SGK3: variants seen among roughly 807,000 people sequenced by gnomAD.
SGK3 encodes the protein serine/threonine-protein kinase Sgk3.
SGK3 carries 47 observed loss-of-function variants against 68.5 expected under a neutral mutation model. That is an observed-to-expected ratio of 0.69 (90% CI 0.54 to 0.87). The LOEUF (loss-of-function observed/expected upper bound fraction) is 0.87. Among genes scored for constraint, SGK3 ranks in the 40% least tolerant of loss-of-function variants. The probability of loss-of-function intolerance (pLI) is 0.00; values close to 1 mark genes in which losing one functional copy is unlikely to be tolerated. For synonymous variants in SGK3, 181 were observed against 189.1 expected (o/e 0.96, Z 0.35); for missense variants, 479 against 575.5 (o/e 0.83, Z 1.72).
intron 1 of SGK3, among the ~76,000 whole-genome samples, chr8:66,717,624 C>G (rs903331801): frequency 6.6e-6 from 1 of 152,134 alleles, no homozygotes; most frequent in Non-Finnish European, 1.5e-5. Context: ...CTGAATGAAA[C>G]GTATTCAAGG....
At chr8:66,808,304 T>G (rs1486163396) in intron 4 of SGK3, among the ~76,000 whole-genome samples, 2 of 152,190 alleles carry the variant, frequency 1.3e-5, no homozygotes. Context: ...TAAGTAACTT[T>G]AAAACATGGG....
In SGK3 at chr8:66,767,280, CTG is replaced by C. The variant is rs1370269688; in HGVS notation, c.-121-26334_-121-26333del. On this transcript the variant is annotated intron_variant, in intron 1 of 16. Transcript: ENST00000521198. ...TTTGTTCCCTTATTAGTTATAACTC[CTG>C]TTTTTCCTTTTAATGGTTATTTTAT... The C allele has an allele frequency of 2.2e-5, 14 of 648,670 alleles. No homozygotes were observed. The African/African-American group carries it at 2.4e-4, about 11-fold the overall frequency. The allele number at this position is 648,670 out of a possible 1,614,324, so 40.2% of individuals were successfully genotyped here.
intron 6 of SGK3, among the ~76,000 whole-genome samples, chr8:66,827,852 G>A (rs141088675): frequency 2.9e-4 from 44 of 152,252 alleles, no homozygotes; most frequent in African/African-American, 9.4e-4. Flanking sequence ...GGCTGAGCAC[G>A]GTGGCTCACA....
At position 66,727,386 on chromosome 8, in the gene SGK3, C is replaced by CATG. The variant is rs112841177; in HGVS notation, c.-122+14555_-122+14557dup. Among the ~76,000 whole-genome samples the CATG allele has an allele frequency of 5.8e-3, 882 of 152,248 alleles. 5 individuals carry two copies. The highest frequency in any genetic ancestry group is 0.019 in the African/African-American group (808 of 41,554). On this transcript the variant is annotated intron_variant, in intron 1 of 16. Transcript: ENST00000521198. ...TGCTGGGATTCTAGGCATGAGCCAC[C>CATG]ATGAGCCAGGTCTGAATTCTTGTAT...
intron 1 of SGK3, among the ~76,000 whole-genome samples, chr8:66,715,334 T>C (rs539664956): frequency 6.4e-4 from 98 of 152,220 alleles, no homozygotes; most frequent in African/African-American, 2.2e-3. Context: ...CTAGGCTCAC[T>C]GCAACCTCCG....
At chr8:66,728,732 AC>A (rs1222536979) in intron 1 of SGK3, among the ~76,000 whole-genome samples, 2 of 152,004 alleles carry the variant, frequency 1.3e-5, no homozygotes, top group African/African-American at 4.8e-5. Flanking sequence ...GTGAGACCCC[AC>A]CTCAACAACA....
At chr8:66,840,572 A>ACAGTC in intron 12 of SGK3, 1 of 267,218 alleles carries the variant, frequency 3.7e-6, no homozygotes, top group South Asian at 9.3e-5. Flanking sequence ...AGTCTGGTTA[A>ACAGTC]TAGTATTGTA....
chr8:66,845,722 T>TTATG (rs1809983578), intron 14 of SGK3, among the ~76,000 whole-genome samples: 1 of 149,996 alleles, frequency 6.7e-6, no homozygotes, highest in Non-Finnish European at 1.5e-5. Context: ...ATTTATTTAT[T>TTATG]TATTTATTTA....
chr8:66,831,282 A>C lies in SGK3; in HGVS notation c.496A>C (p.Lys166Gln). 1 of 1,614,124 alleles carries C rather than the reference A, an allele frequency of 6.2e-7. No individual in the cohort carries two copies. The highest frequency in any genetic ancestry group is 8.5e-7 in the Non-Finnish European group (1 of 1,180,008). Residue 166 changes from lysine to glutamine, a missense_variant, in exon 8 of 17, where the codon AAA (lysine) becomes CAA (glutamine). Transcript: ENST00000521198. The stretch of plus-strand genomic sequence containing the variant: ...CAAACCAACTGACTTTGATTTCTTA[A>C]AAGTTATTGGAAAAGGCAGCTTTGG... The part of the protein sequence containing the change: ...HAKPTDFDFL[K>Q]VIGKGSFGKV...
chr8:66,839,933 A>ATTTG (rs993527245), intron 10 of SGK3, 70 bp from the exon 11 acceptor site: 1 of 1,365,702 alleles, frequency 7.3e-7, no homozygotes, highest in African/African-American at 1.5e-5. Flanking sequence ...TACCGAATAT[A>ATTTG]TTTGTTTAAT....
At chr8:66,731,132 C>T (rs961710469) in intron 1 of SGK3, among the ~76,000 whole-genome samples, 1 of 152,164 alleles carries the variant, frequency 6.6e-6, no homozygotes, top group Non-Finnish European at 1.5e-5. Context: ...TGTCAGAGAA[C>T]ACACTTTGTA....
chr8:66,791,716 G>A (rs1807462852), intron 1 of SGK3, among the ~76,000 whole-genome samples: 2 of 152,242 alleles, frequency 1.3e-5, no homozygotes, highest in African/African-American at 2.4e-5. Flanking sequence ...GGTGTGGAAA[G>A]TGTAGCTCAT....
At chr8:66,770,252 C>G (rs1334775657) in intron 1 of SGK3, among the ~76,000 whole-genome samples, 2 of 152,202 alleles carry the variant, frequency 1.3e-5, no homozygotes, top group East Asian at 3.8e-4. Flanking sequence ...CCGTGCCCGG[C>G]CCCTAGTGAT....
At chr8:66,854,547 A>G (rs1810424600) in intron 16 of SGK3, among the ~76,000 whole-genome samples, 1 of 152,122 alleles carries the variant, frequency 6.6e-6, no homozygotes. Flanking sequence ...CATTCTAACA[A>G]TTCTGTAAGC....
chr8:66,768,028 C>T (rs1335656825), intron 1 of SGK3: 1 of 701,642 alleles, frequency 1.4e-6, no homozygotes, highest in Admixed American at 2.1e-5. Flanking sequence ...CCGCTCTCAA[C>T]CAGATTTAAG....
intron 1 of SGK3, among the ~76,000 whole-genome samples, chr8:66,778,673 C>T (rs1286400856): frequency 6.6e-6 from 1 of 152,090 alleles, no homozygotes; most frequent in Non-Finnish European, 1.5e-5. Context: ...TGAGCTTCAA[C>T]AATTATTTCT....
At chr8:66,742,809 ACTC>A (rs1201003693) in intron 1 of SGK3, among the ~76,000 whole-genome samples, 1 of 152,146 alleles carries the variant, frequency 6.6e-6, no homozygotes, top group African/African-American at 2.4e-5. Flanking sequence ...GTAAGATCAG[ACTC>A]AGCATATTGG....
chr8:66,852,319 G>A (rs1016180524), intron 16 of SGK3, among the ~76,000 whole-genome samples: 2 of 113,220 alleles, frequency 1.8e-5, no homozygotes, highest in African/African-American at 7.0e-5. Flanking sequence ...GTCTTGCTCT[G>A]TCGCCAGTCT....
intron 4 of SGK3, among the ~76,000 whole-genome samples, chr8:66,812,602 G>T (rs954172471): frequency 1.3e-5 from 2 of 150,316 alleles, no homozygotes; most frequent in African/African-American, 4.9e-5. Flanking sequence ...CTTTTAGACC[G>T]CCCCAACCAC....
Sources: gnomAD v4.1 joint callset for allele counts (sites outside exome capture counted in the v4.1 genomes callset) on GRCh38, gnomAD v4.1.1 for gene constraint, MANE v1.5 for transcripts, NCBI Gene and HGNC (gene_info 2026-07-23, HGNC 2026-07-21) for gene names.